CD3E: variants seen among roughly 807,000 people sequenced by gnomAD.
CD3E encodes the protein T-cell surface glycoprotein CD3 epsilon chain.
CD3E carries 16 observed loss-of-function variants against 34.7 expected under a neutral mutation model. The ratio of observed to expected loss-of-function variants is 0.46; its 90% CI spans 0.31 to 0.70. The LOEUF is 0.70. CD3E is among the 30% of genes least tolerant of loss of function. The probability of loss-of-function intolerance (pLI) is 0.05; values close to 1 mark genes in which losing one functional copy is unlikely to be tolerated. For synonymous variants in CD3E, 70 were observed against 90.8 expected (o/e 0.77, Z 1.30); for missense variants, 223 against 253.9 (o/e 0.88, Z 0.83).
chr11:118,312,399 C>A, intron 5 of CD3E: 1 of 704,636 alleles, frequency 1.4e-6, no homozygotes. Context: ...AAAGCCACCT[C>A]TCAAAAGGTT....
intron 4 of CD3E, among the ~76,000 whole-genome samples, chr11:118,311,486 G>A (rs1399142213): frequency 6.6e-6 from 1 of 152,190 alleles, no homozygotes. Flanking sequence ...AATGTAAAGT[G>A]AAGCCACTTT....
intron 6 of CD3E, 90 bp downstream of exon 6, chr11:118,312,956 A>C: frequency 3.7e-5 from 55 of 1,480,794 alleles, no homozygotes; most frequent in Non-Finnish European, 4.9e-5. Context: ...AACCCAGCTC[A>C]CAGTGCCCAG....
chr11:118,314,401 A>G, intron 7 of CD3E, 47 bp from the exon 8 acceptor site: 1 of 1,547,918 alleles, frequency 6.5e-7, no homozygotes. Context: ...GTGCTGCAAG[A>G]TTGGTTCCCT....
At chr11:118,312,296 C>A (rs1948139833) in intron 5 of CD3E, 126 bp downstream of exon 5, 1 of 951,236 alleles carries the variant, frequency 1.1e-6, no homozygotes. Context: ...ATTCTCAACT[C>A]CATTTTAGAA....
At chr11:118,312,098 A>G (rs1948138484) in intron 4 of CD3E, 55 bp from the exon 5 acceptor site, 1 of 1,534,146 alleles carries the variant, frequency 6.5e-7, no homozygotes, top group African/African-American at 1.4e-5. Flanking sequence ...TTTACCTACA[A>G]TTTAAACTTA....
chr11:118,312,461 T>C (rs1160992050), intron 5 of CD3E, 157 bp from the exon 6 acceptor site: 1 of 873,152 alleles, frequency 1.1e-6, no homozygotes, highest in East Asian at 2.4e-5. Flanking sequence ...ATATCTCCTC[T>C]TCCACACCCT....
Position 118,315,986 on chromosome 11 carries a change from C to T in CD3E, c.*444C>T, listed in dbSNP as rs201951699. 8.0e-6 allele frequency: 2 copies of T among 249,082 alleles called. No homozygotes were observed. Among genetic ancestry groups the T allele is most frequent in the Non-Finnish European group, 1.6e-5 (2 of 126,060 alleles). The allele number at this position is 249,082 out of a possible 1,614,324, so 15.4% of individuals were successfully genotyped here. On this transcript the variant is annotated 3_prime_UTR_variant, in exon 9 of 9. Transcript: ENST00000361763. ...GTAAATGTTGACAGAGGCCCTGCCC[C>T]GTTCACAGATCCTGGCCCTGAGCCA...
chr11:118,307,154 C>T, intron 2 of CD3E, 134 bp from the exon 3 acceptor site: 1 of 697,480 alleles, frequency 1.4e-6, no homozygotes, highest in Non-Finnish European at 2.6e-6. Flanking sequence ...GTAGAAATGG[C>T]TGTGACCCAG....
chr11:118,306,008 T>C (rs1948103324), intron 2 of CD3E, among the ~76,000 whole-genome samples: 1 of 152,222 alleles, frequency 6.6e-6, no homozygotes, highest in Non-Finnish European at 1.5e-5. Context: ...ATGCAGCTTC[T>C]GTTTCAAAAG....
intron 7 of CD3E, 112 bp from the exon 8 acceptor site, chr11:118,314,336 G>A: frequency 1.2e-6 from 1 of 840,836 alleles, no homozygotes; most frequent in East Asian, 2.6e-5. Context: ...GGGAGCGGTA[G>A]AGGAGAGAAC....
chr11:118,313,140 T>A (rs1948145733), intron 6 of CD3E: 2 of 492,112 alleles, frequency 4.1e-6, no homozygotes, highest in African/African-American at 3.9e-5. Flanking sequence ...TTGCACCGCA[T>A]CACACCCAGG....
At chr11:118,306,057 C>T (rs1371030345) in intron 2 of CD3E, among the ~76,000 whole-genome samples, 1 of 152,182 alleles carries the variant, frequency 6.6e-6, no homozygotes, top group East Asian at 1.9e-4. Flanking sequence ...GTCTAGTACG[C>T]TCTCAAGTTT....
In CD3E at chr11:118,313,874, G is replaced by A; in HGVS notation, c.520G>A (p.Gly174Arg). 6.2e-7 allele frequency: 1 copy of A among 1,612,794 alleles called. No individual in the cohort carries two copies. Among genetic ancestry groups the A allele is most frequent in the Non-Finnish European group, 8.5e-7 (1 of 1,179,926 alleles). Residue 174 changes from glycine (G) to arginine (R), a missense_variant and splice_region_variant, in exon 7 of 9, where the codon GGA (glycine) becomes AGA (arginine). Coordinates refer to ENST00000361763, the MANE Select transcript of CD3E (RefSeq NM_000733.4). ...AGCGGGTGCTGGCGGCAGGCAAAGGGGTAAGGCTGTGGAGTCCAGTCAGAG... is the reference window on the plus strand; with the variant it reads ...AGCGGGTGCTGGCGGCAGGCAAAGGAGTAAGGCTGTGGAGTCCAGTCAGAG... ...RGAGAGGRQR[G>R]QNKERPPPVP...
intron 5 of CD3E, 47 bp from the exon 6 acceptor site, chr11:118,312,571 T>C (rs1284545356): frequency 1.2e-6 from 2 of 1,613,672 alleles, no homozygotes; most frequent in Admixed American, 3.3e-5. Flanking sequence ...TTGCCTTTTC[T>C]AAAATTGTCC....
At chr11:118,313,945 G>A in intron 7 of CD3E, 71 bp downstream of exon 7, 1 of 1,513,798 alleles carries the variant, frequency 6.6e-7, no homozygotes, top group Non-Finnish European at 9.1e-7. Flanking sequence ...AGGGTGGGTG[G>A]CAAGTCCACA....
intron 2 of CD3E, among the ~76,000 whole-genome samples, chr11:118,306,199 G>C (rs1565509834): frequency 6.6e-6 from 1 of 151,984 alleles, no homozygotes; most frequent in African/African-American, 2.4e-5. Context: ...AAAGAAGAAG[G>C]AGGAGGAGGA....
chr11:118,308,143 T>C (rs1209875130), intron 3 of CD3E, among the ~76,000 whole-genome samples: 1 of 152,232 alleles, frequency 6.6e-6, no homozygotes, highest in East Asian at 1.9e-4. Context: ...CACTCTAGCC[T>C]GGGTGACACA....
At position 118,312,685 on chromosome 11, in the gene CD3E, A is replaced by C. The variant is rs1948142214; in HGVS notation, c.171A>C (p.Ile57=). The C allele has an allele frequency of 6.2e-7, 1 of 1,614,184 alleles. No homozygotes were observed. The highest frequency in any genetic ancestry group is 8.5e-7 in the Non-Finnish European group (1 of 1,180,006). Residue 57 remains isoleucine, a synonymous_variant, in exon 6 of 9, where the codon ATA becomes ATC. Transcript: ENST00000361763. ...LTCPQYPGSE[I]LWQHNDKNIG... ...GCCCTCAGTATCCTGGATCTGAAAT[A>C]CTATGGCAACACAATGATAAAAACA...
chr11:118,306,569 A>G (rs1184819305), intron 2 of CD3E, among the ~76,000 whole-genome samples: 2 of 152,160 alleles, frequency 1.3e-5, no homozygotes, highest in East Asian at 3.8e-4. Context: ...GACATCTGGC[A>G]TCATAGGAAT....
Sources: allele counts gnomAD v4.1 joint callset (sites outside exome capture counted in the v4.1 genomes callset), GRCh38; gene constraint gnomAD v4.1.1; transcripts MANE v1.5; gene names NCBI Gene and HGNC (gene_info 2026-07-23, HGNC 2026-07-21).